The following ATRN variants were observed in gnomAD, a reference collection of about 807,000 sequenced individuals.
ATRN encodes attractin-2.
A neutral mutation model predicts 178.7 loss-of-function variants in ATRN; 54 were observed. That is an observed-to-expected ratio of 0.30 (90% CI 0.24 to 0.38). The LOEUF is 0.38. Ranked by LOEUF, ATRN falls within the 10% of genes least tolerant of loss-of-function variation. The pLI is 1.00. For missense variants in ATRN, 1,443 were observed against 1,815.1 expected, an observed-to-expected ratio of 0.79 and a Z score of 3.73; for synonymous variants, 636 against 663.0, an observed-to-expected ratio of 0.96 and a Z score of 0.63.
chr20:3,543,719 G>A (rs1465565637), intron 3 of ATRN, among the ~76,000 whole-genome samples: 3 of 141,746 alleles, frequency 2.1e-5, no homozygotes, highest in Admixed American at 7.0e-5. Context: ...AACAAGACTC[G>A]GTCTCAAGAA....
In ATRN at chr20:3,503,709, A is replaced by C. The variant is rs1297419969; in HGVS notation, c.411-31544A>C. Among the ~76,000 whole-genome samples the C allele has an allele frequency of 5.3e-5, 8 of 152,262 alleles. 1 individual carries two copies. The South Asian group carries it at 1.7e-3, about 32-fold the overall frequency. On this transcript the variant is annotated intron_variant, in intron 1 of 28. Transcript: ENST00000262919. The stretch of plus-strand genomic sequence containing the variant: ...AAGAAAGCAAACTGCAAAAAAAATG[A>C]CTTGTGGGGCAATAACAAAAGACTT...
At chr20:3,615,557 CTT>C (rs553919921) in intron 24 of ATRN, among the ~76,000 whole-genome samples, 22 of 133,202 alleles carry the variant, frequency 1.7e-4, no homozygotes, top group Non-Finnish European at 1.6e-4. Flanking sequence ...TTTCTTTTTT[CTT>C]TTTTTTTTTT....
chr20:3,625,571 A>AAAAAT (rs1298721166), intron 25 of ATRN, among the ~76,000 whole-genome samples: 1 of 152,204 alleles, frequency 6.6e-6, no homozygotes, highest in Non-Finnish European at 1.5e-5. Flanking sequence ...TAGAACAGTA[A>AAAAAT]AAAATAAAAT....
At position 3,517,350 on chromosome 20, in the gene ATRN, T is replaced by C. The variant is rs528774621; in HGVS notation, c.411-17903T>C. On this transcript the variant is annotated intron_variant, in intron 1 of 28. Transcript: ENST00000262919. Reference sequence around the variant, plus strand: ...TGCATAGGAAAAAACTACTAAGCCATACACCAAAGTGCATATGTGGTTATC... The same window carrying C: ...TGCATAGGAAAAAACTACTAAGCCACACACCAAAGTGCATATGTGGTTATC... 5.7e-4 allele frequency among the ~76,000 whole-genome samples: 86 copies of C among 152,200 alleles called. 2 individuals are homozygous for C. The South Asian group carries it at 0.013, about 22-fold the overall frequency.
At chr20:3,594,699 A>G (rs1252148141) in intron 20 of ATRN, 127 bp downstream of exon 20, 2 of 705,656 alleles carry the variant, frequency 2.8e-6, no homozygotes, top group Non-Finnish European at 4.3e-6. Flanking sequence ...CCCTGGGTTG[A>G]TTAGTTTGAA....
At chr20:3,588,196 T>C (rs867827567) in intron 18 of ATRN, among the ~76,000 whole-genome samples, 2 of 152,312 alleles carry the variant, frequency 1.3e-5, no homozygotes, top group Middle Eastern at 6.8e-3. Flanking sequence ...ACCTGGAATG[T>C]CTATTTATTT....
chr20:3,547,609 C>T (rs1006427538), intron 5 of ATRN, 120 bp downstream of exon 5: 2 of 874,882 alleles, frequency 2.3e-6, no homozygotes, highest in Non-Finnish European at 3.4e-6. Context: ...TACGAGGTAG[C>T]ATTTAAGCTT....
Position 3,562,277 on chromosome 20 carries a change from TAAG to T in ATRN, c.1452_1454del (p.Lys484del). ...CCTTTAACTGTCTTTCCTTTCCAGATAAGAACACATGGAGTATATTACACACCC... is the reference window on the plus strand; with the variant it reads ...CCTTTAACTGTCTTTCCTTTCCAGATAACACATGGAGTATATTACACACCC... On this transcript the variant is annotated inframe_deletion and splice_region_variant, in exon 9 of 29. Coordinates refer to ENST00000262919, the MANE Select transcript of ATRN (RefSeq NM_139321.3). The T allele has an allele frequency of 6.2e-7, 1 of 1,610,226 alleles. No individual in the cohort carries two copies. Among genetic ancestry groups the T allele is most frequent in the Non-Finnish European group, 8.5e-7 (1 of 1,177,882 alleles).
chr20:3,551,410 A>G (rs1271112616), intron 6 of ATRN, among the ~76,000 whole-genome samples: 2 of 152,204 alleles, frequency 1.3e-5, no homozygotes, highest in Non-Finnish European at 2.9e-5. Context: ...GGCCAAAGCT[A>G]TACTTCAACT....
chr20:3,578,497 C>T (rs1467789003), intron 14 of ATRN, 85 bp from the exon 15 acceptor site: 11 of 1,221,080 alleles, frequency 9.0e-6, no homozygotes, highest in Admixed American at 2.4e-5. Flanking sequence ...AAGGCCATTT[C>T]GGTATTCAGT....
chr20:3,558,692 T>C (rs527506196), intron 6 of ATRN, among the ~76,000 whole-genome samples: 1 of 152,114 alleles, frequency 6.6e-6, no homozygotes, highest in East Asian at 1.9e-4. Flanking sequence ...CTTTTAGCTC[T>C]TTATTCTTTG....
rs552514636 is a variant in ATRN, at chr20:3,503,092, G to C, written c.410+31575G>C. 2.2e-4 allele frequency among the ~76,000 whole-genome samples: 34 copies of C among 151,990 alleles called. No homozygotes were observed. In the South Asian group the frequency reaches 5.4e-3, roughly 24 times the overall value. ...TCAGGGAACTTCTTTACCCTCTCAG[G>C]CAGTGCCAGCAGAGACCAATGGGAG... On this transcript the variant is annotated intron_variant, in intron 1 of 28. Transcript: ENST00000262919.
chr20:3,562,259 C>CT lies in ATRN; in HGVS notation c.1448-16dup, dbSNP rs1327168440. ...AGGAGCCTGCCATGCTTGCCTTTAA[C>CT]TGTCTTTCCTTTCCAGATAAGAACA... On this transcript the variant is annotated splice_polypyrimidine_tract_variant and intron_variant, in intron 8 of 28. Transcript: ENST00000262919. The CT allele has an allele frequency of 1.2e-6, 2 of 1,601,276 alleles. No homozygotes were observed. The highest frequency in any genetic ancestry group is 2.7e-5 in the African/African-American group (2 of 74,558).
intron 3 of ATRN, among the ~76,000 whole-genome samples, chr20:3,540,571 A>G (rs2085604003): frequency 6.6e-6 from 1 of 152,140 alleles, no homozygotes; most frequent in African/African-American, 2.4e-5. Flanking sequence ...CTGATCTGTA[A>G]AATTGTGATA....
chr20:3,637,846 G>A (rs1718864755), intron 26 of ATRN, among the ~76,000 whole-genome samples: 1 of 152,098 alleles, frequency 6.6e-6, no homozygotes, highest in Non-Finnish European at 1.5e-5. Flanking sequence ...CCTAAATCCC[G>A]AGCCCCTGTT....
At chr20:3,484,240 C>T (rs893454952) in intron 1 of ATRN, among the ~76,000 whole-genome samples, 1 of 150,436 alleles carries the variant, frequency 6.6e-6, no homozygotes, top group Non-Finnish European at 1.5e-5. Context: ...CAGAGAGGGA[C>T]CTTGTCTTTA....
intron 1 of ATRN, among the ~76,000 whole-genome samples, chr20:3,513,427 G>C (rs578115796): frequency 2.2e-4 from 34 of 152,262 alleles, no homozygotes; most frequent in Non-Finnish European, 4.1e-4. Flanking sequence ...GTAGATGTGT[G>C]GTATTATTTC....
At chr20:3,618,274 G>T (rs1441442090) in intron 24 of ATRN, among the ~76,000 whole-genome samples, 5 of 152,160 alleles carry the variant, frequency 3.3e-5, no homozygotes, top group African/African-American at 1.2e-4. Context: ...TTCTGTTTCA[G>T]TAAGAGGTTG....
intron 1 of ATRN, among the ~76,000 whole-genome samples, chr20:3,534,819 A>C (rs2085501552): frequency 6.6e-6 from 1 of 152,104 alleles, no homozygotes; most frequent in Admixed American, 6.6e-5. Flanking sequence ...AATTTAAGAA[A>C]TTTATCGCTG....
Sources: gnomAD v4.1 joint callset for allele counts (sites outside exome capture counted in the v4.1 genomes callset) on GRCh38, gnomAD v4.1.1 for gene constraint, MANE v1.5 for transcripts, NCBI Gene and HGNC (gene_info 2026-07-23, HGNC 2026-07-21) for gene names.